CDKAL1: variants seen among roughly 807,000 people sequenced by gnomAD.
CDKAL1 encodes CDKAL1 threonylcarbamoyladenosine tRNA methylthiotransferase, also known as threonylcarbamoyladenosine tRNA methylthiotransferase.
A neutral mutation model predicts 68.2 loss-of-function variants in CDKAL1; 32 were observed. That is an observed-to-expected ratio of 0.47 (90% CI 0.35 to 0.63). The LOEUF (loss-of-function observed/expected upper bound fraction) is 0.63. Ranked by LOEUF, CDKAL1 falls within the 30% of genes least tolerant of loss-of-function variation. CDKAL1 has a pLI of 0.00. For synonymous variants in CDKAL1, 234 were observed against 244.3 expected, an observed-to-expected ratio of 0.96 and a Z score of 0.39; for missense variants, 606 against 696.7, an observed-to-expected ratio of 0.87 and a Z score of 1.47.
intron 4 of CDKAL1, among the ~76,000 whole-genome samples, chr6:20,643,603 G>A (rs1688156442): frequency 6.6e-6 from 1 of 152,182 alleles, no homozygotes; most frequent in Non-Finnish European, 1.5e-5. Context: ...AATAGCCATA[G>A]ACAGTTTTCC....
At chr6:20,541,461 C>T (rs1350936306) in intron 2 of CDKAL1, among the ~76,000 whole-genome samples, 1 of 152,166 alleles carries the variant, frequency 6.6e-6, no homozygotes, top group Non-Finnish European at 1.5e-5. Context: ...AGTTGACATC[C>T]TCCCAACTTA....
Position 21,190,373 on chromosome 6 carries a change from G to T in CDKAL1, c.1300-7648G>T, listed in dbSNP as rs13192011. 2.1e-3 allele frequency among the ~76,000 whole-genome samples: 287 copies of T among 133,802 alleles called. 2 individuals are homozygous for T. Among genetic ancestry groups the T allele is most frequent in the East Asian group, 3.7e-3 (15 of 4,056 alleles). The allele number at this position is 133,802 out of a possible 152,430, so 87.8% of individuals were successfully genotyped here. A position where few individuals can be genotyped will look rare whatever the true frequency, so the allele number is the denominator to read the frequency against. ...TTTTGATATGTGTGGGGTTTTTTTT[G>T]TTTTTTTTTTTGAGACGGAGTCTCA... On this transcript the variant is annotated intron_variant, in intron 13 of 15. Coordinates refer to ENST00000274695, the MANE Select transcript of CDKAL1 (RefSeq NM_017774.3).
chr6:20,682,480 G>A (rs1481902998), intron 5 of CDKAL1, among the ~76,000 whole-genome samples: 1 of 152,146 alleles, frequency 6.6e-6, no homozygotes, highest in African/African-American at 2.4e-5. Context: ...CATGGCAGAA[G>A]GTGAAGAGGA....
intron 8 of CDKAL1, among the ~76,000 whole-genome samples, chr6:20,785,595 G>A (rs1775638889): frequency 6.6e-6 from 1 of 152,114 alleles, no homozygotes; most frequent in Non-Finnish European, 1.5e-5. Flanking sequence ...ACAGGTGTGA[G>A]CCACTATGCC....
chr6:20,903,473 C>G (rs1464548307), intron 9 of CDKAL1, among the ~76,000 whole-genome samples: 7 of 152,100 alleles, frequency 4.6e-5, no homozygotes, highest in African/African-American at 1.7e-4. Context: ...CCTTTTTTAG[C>G]TTTGCTGCTT....
chr6:20,641,413 C>G (rs1768168026), intron 4 of CDKAL1, among the ~76,000 whole-genome samples: 1 of 152,000 alleles, frequency 6.6e-6, no homozygotes, highest in African/African-American at 2.4e-5. Context: ...AAAGTAGTAT[C>G]CATGCAAGTT....
At chr6:20,966,784 A>G (rs931814427) in intron 10 of CDKAL1, among the ~76,000 whole-genome samples, 1 of 152,204 alleles carries the variant, frequency 6.6e-6, no homozygotes, top group African/African-American at 2.4e-5. Context: ...TTGCAATGTC[A>G]TGTGGAATAT....
At chr6:20,793,788 C>G (rs1283307801) in intron 8 of CDKAL1, among the ~76,000 whole-genome samples, 1 of 144,470 alleles carries the variant, frequency 6.9e-6, no homozygotes, top group Non-Finnish European at 1.5e-5. Context: ...AAATTTAATT[C>G]TTTCAGATAT....
chr6:20,565,267 C>T (rs1420348595), intron 4 of CDKAL1, among the ~76,000 whole-genome samples: 4 of 151,966 alleles, frequency 2.6e-5, no homozygotes, highest in South Asian at 2.1e-4. Context: ...TTTAGAAGTC[C>T]AAGATATAAT....
At chr6:20,638,824 G>A (rs548119782) in intron 4 of CDKAL1, among the ~76,000 whole-genome samples, 20 of 152,064 alleles carry the variant, frequency 1.3e-4, no homozygotes, top group Middle Eastern at 3.4e-3. Flanking sequence ...AGTAGAGACG[G>A]GGTTTCACCA....
chr6:20,836,683 G>T, intron 8 of CDKAL1, among the ~76,000 whole-genome samples: 1 of 151,920 alleles, frequency 6.6e-6, no homozygotes, highest in South Asian at 2.1e-4. Flanking sequence ...CTTTATAAAG[G>T]AATATACATT....
intron 13 of CDKAL1, among the ~76,000 whole-genome samples, chr6:21,186,591 T>C (rs11961469): frequency 4.9e-4 from 74 of 152,252 alleles, no homozygotes; most frequent in African/African-American, 1.6e-3. Context: ...GTTTTAGAGA[T>C]GCTGTGGTCA....
chr6:20,983,660 G>T (rs759563583), intron 10 of CDKAL1, among the ~76,000 whole-genome samples: 3 of 152,344 alleles, frequency 2.0e-5, no homozygotes, highest in African/African-American at 7.2e-5. Context: ...GGCTGAGGTT[G>T]CAGTGAGCTG....
chr6:20,993,372 A>G (rs1766940895), intron 10 of CDKAL1: 1 of 152,068 alleles, frequency 6.6e-6, no homozygotes, highest in South Asian at 2.1e-4. Flanking sequence ...AGAGCAGTGT[A>G]AAGTTTAGCA....
chr6:20,578,444 C>G (rs1313693501), intron 4 of CDKAL1, among the ~76,000 whole-genome samples: 4 of 152,112 alleles, frequency 2.6e-5, no homozygotes, highest in African/African-American at 9.7e-5. Flanking sequence ...ACTTTTATGT[C>G]TGGCTTCTTT....
intron 13 of CDKAL1, among the ~76,000 whole-genome samples, chr6:21,160,671 G>GTGTGTGTC (rs1776884062): frequency 2.2e-5 from 3 of 135,162 alleles, no homozygotes; most frequent in South Asian, 2.4e-4. Context: ...GTGTGTGTGT[G>GTGTGTGTC]TGTGTGTCTG....
intron 13 of CDKAL1, among the ~76,000 whole-genome samples, chr6:21,182,805 G>A (rs1777842414): frequency 6.6e-6 from 1 of 152,198 alleles, no homozygotes; most frequent in African/African-American, 2.4e-5. Context: ...TGGTCCCACT[G>A]TAAGCCCTTG....
At chr6:21,159,238 T>G (rs1776793666) in intron 13 of CDKAL1, among the ~76,000 whole-genome samples, 1 of 152,118 alleles carries the variant, frequency 6.6e-6, no homozygotes, top group South Asian at 2.1e-4. Flanking sequence ...ATACAACTTA[T>G]TCAGATAAGA....
intron 5 of CDKAL1, among the ~76,000 whole-genome samples, chr6:20,707,755 T>A (rs1162366369): frequency 2.0e-5 from 3 of 152,268 alleles, no homozygotes; most frequent in African/African-American, 7.2e-5. Context: ...ATTGTGCTGG[T>A]ATAGTGCCTC....
Sources: allele counts gnomAD v4.1 joint callset (sites outside exome capture counted in the v4.1 genomes callset), GRCh38; gene constraint gnomAD v4.1.1; transcripts MANE v1.5; gene names NCBI Gene and HGNC (gene_info 2026-07-23, HGNC 2026-07-21).